The following DNAJC12 variants were observed in gnomAD, a reference collection of about 807,000 sequenced individuals.
DNAJC12 encodes the protein DnaJ heat shock protein family (Hsp40) member C12, also known as dnaJ homolog subfamily C member 12.
A neutral mutation model predicts 28.5 loss-of-function variants in DNAJC12; 25 were observed. That is an observed-to-expected ratio of 0.88 (90% CI 0.64 to 1.22). The LOEUF (loss-of-function observed/expected upper bound fraction) is 1.22, where lower values mean the gene tolerates loss of function less well. Ranked by LOEUF, DNAJC12 falls within the 50% of genes most tolerant of loss-of-function variation. DNAJC12 has a pLI of 0.00. For synonymous variants in DNAJC12, 77 were observed against 80.6 expected (o/e 0.95, Z 0.24); for missense variants, 222 against 231.7 (o/e 0.96, Z 0.27).
chr10:67,806,647 A>T (rs1841803874), intron 3 of DNAJC12, among the ~76,000 whole-genome samples: 2 of 152,120 alleles, frequency 1.3e-5, no homozygotes, highest in Admixed American at 6.5e-5. Context: ...CAACAAGGTG[A>T]AACCACGTCT....
intron 3 of DNAJC12, chr10:67,810,917 A>T (rs979914671): frequency 2.0e-5 from 3 of 152,262 alleles, no homozygotes; most frequent in African/African-American, 7.2e-5. Flanking sequence ...CTTTAAAATT[A>T]CATTTTGTCT....
chr10:67,818,064 G>A (rs1414964358), intron 2 of DNAJC12, among the ~76,000 whole-genome samples: 1 of 152,006 alleles, frequency 6.6e-6, no homozygotes, highest in Admixed American at 6.6e-5. Context: ...AATTACTCAG[G>A]TGTGGTGGCG....
intron 1 of DNAJC12, among the ~76,000 whole-genome samples, chr10:67,837,180 A>G (rs981209824): frequency 2.0e-5 from 3 of 152,172 alleles, no homozygotes; most frequent in South Asian, 2.1e-4. Flanking sequence ...CAACAAGTAC[A>G]TATAATATCC....
chr10:67,834,222 T>C, intron 1 of DNAJC12: 1 of 329,980 alleles, frequency 3.0e-6, no homozygotes, highest in Admixed American at 4.4e-5. Flanking sequence ...AGGTATGATG[T>C]TAACATAAAG....
At chr10:67,797,750 A>G (rs1364586956) in intron 4 of DNAJC12, among the ~76,000 whole-genome samples, 3 of 152,242 alleles carry the variant, frequency 2.0e-5, no homozygotes, top group Non-Finnish European at 2.9e-5. Context: ...GTTAAAATGT[A>G]TAAACCTTTG....
intron 1 of DNAJC12, among the ~76,000 whole-genome samples, chr10:67,836,764 A>C (rs1272372558): frequency 6.6e-6 from 1 of 152,178 alleles, no homozygotes; most frequent in African/African-American, 2.4e-5. Flanking sequence ...CTTTGTGTCC[A>C]GTAATGCATT....
intron 1 of DNAJC12, among the ~76,000 whole-genome samples, chr10:67,833,420 C>CCT (rs1842112270): frequency 2.4e-5 from 3 of 126,316 alleles, no homozygotes; most frequent in Admixed American, 1.7e-4. Context: ...AAGGAAATAT[C>CCT]CTCTCTCTCT....
intron 3 of DNAJC12, among the ~76,000 whole-genome samples, chr10:67,808,084 T>C (rs867011392): frequency 2.3e-4 from 35 of 152,250 alleles, no homozygotes; most frequent in African/African-American, 7.2e-4. Flanking sequence ...ATCACTCATT[T>C]CTGTGTTCAC....
At chr10:67,819,367 G>A (rs1329082005) in intron 2 of DNAJC12, among the ~76,000 whole-genome samples, 1 of 151,750 alleles carries the variant, frequency 6.6e-6, no homozygotes, top group Non-Finnish European at 1.5e-5. Flanking sequence ...GGCTAGGCTC[G>A]GTGGCACATG....
intron 1 of DNAJC12, among the ~76,000 whole-genome samples, chr10:67,827,386 C>CAA (rs1470616082): frequency 2.3e-5 from 3 of 131,442 alleles, no homozygotes; most frequent in South Asian, 2.4e-4. Flanking sequence ...GGCTCTGTCT[C>CAA]AAAAAAAAAA....
intron 1 of DNAJC12, 36 bp downstream of exon 1, chr10:67,837,898 A>G (rs371991962): frequency 1.4e-6 from 2 of 1,444,820 alleles, no homozygotes; most frequent in Non-Finnish European, 1.9e-6. Flanking sequence ...GTGAAAAAGA[A>G]TACTGTTGTG....
rs1188229779 is a variant in DNAJC12, at chr10:67,805,800, A to T, written c.298-13T>A. The T allele has an allele frequency of 6.5e-7, 1 of 1,538,010 alleles. No homozygotes were observed. The highest frequency in any genetic ancestry group is 1.4e-5 in the African/African-American group (1 of 71,824). On this transcript the variant is annotated splice_polypyrimidine_tract_variant and intron_variant, in intron 3 of 4. Coordinates refer to ENST00000225171, the MANE Select transcript of DNAJC12 (RefSeq NM_021800.3). ...CCCAGTGCATTGACTAAATTAATGT[A>T]AAGCAGAGATATAAAAATTAAATTG...
At chr10:67,823,252 A>C (rs1345543446) in intron 2 of DNAJC12, 62 bp downstream of exon 2, 2 of 1,355,092 alleles carry the variant, frequency 1.5e-6, no homozygotes, top group African/African-American at 2.9e-5. Flanking sequence ...GTTACTATTC[A>C]CTGGCTTTTG....
chr10:67,824,948 T>A (rs1160573342), intron 1 of DNAJC12, among the ~76,000 whole-genome samples: 8 of 152,052 alleles, frequency 5.3e-5, no homozygotes, highest in Non-Finnish European at 1.2e-4. Context: ...TTGGCCAGGC[T>A]GGTCTCAAAC....
chr10:67,834,933 C>T (rs560859098), intron 1 of DNAJC12, among the ~76,000 whole-genome samples: 10 of 152,260 alleles, frequency 6.6e-5, no homozygotes, highest in Non-Finnish European at 1.0e-4. Context: ...TTCTATATAA[C>T]ATGGAAATCC....
At chr10:67,814,320 G>A (rs547833139) in intron 2 of DNAJC12, among the ~76,000 whole-genome samples, 2 of 152,014 alleles carry the variant, frequency 1.3e-5, no homozygotes, top group Non-Finnish European at 2.9e-5. Flanking sequence ...TAAAAAGCAT[G>A]AATTTAGATT....
At chr10:67,828,368 T>C (rs1339472637) in intron 1 of DNAJC12, among the ~76,000 whole-genome samples, 1 of 152,188 alleles carries the variant, frequency 6.6e-6, no homozygotes, top group Admixed American at 6.5e-5. Flanking sequence ...ATGTCATCCT[T>C]AGTCAATTCT....
rs1441512252 is a variant in DNAJC12, at chr10:67,823,399, C to T, written c.79-7G>A. ...CTGCCAGGATTTGTTCAACCTGAAA[C>T]AAAAATCAGTGTTTAAAATAAAGAG... is the stretch of plus-strand genomic sequence containing the variant. On this transcript the variant is annotated splice_polypyrimidine_tract_variant and splice_region_variant and intron_variant, in intron 1 of 4. Coordinates refer to ENST00000225171, the MANE Select transcript of DNAJC12 (RefSeq NM_021800.3). 2 of 1,613,174 alleles carry T rather than the reference C, an allele frequency of 1.2e-6. No individual in the cohort carries two copies. Among genetic ancestry groups the T allele is most frequent in the African/African-American group, 2.7e-5 (2 of 74,828 alleles).
chr10:67,833,853 C>T (rs754518128), intron 1 of DNAJC12: 5 of 490,688 alleles, frequency 1.0e-5, no homozygotes, highest in Admixed American at 2.3e-5. Context: ...GCACATGGAG[C>T]CTCAAGTAAA....
Sources: gnomAD v4.1 joint callset for allele counts (sites outside exome capture counted in the v4.1 genomes callset) on GRCh38, gnomAD v4.1.1 for gene constraint, MANE v1.5 for transcripts, NCBI Gene and HGNC (gene_info 2026-07-23, HGNC 2026-07-21) for gene names.